AGPAT3: variants seen among roughly 807,000 people sequenced by gnomAD.
AGPAT3 encodes the protein 1-acyl-sn-glycerol-3-phosphate acyltransferase gamma.
Under a neutral mutation model 47.3 loss-of-function variants are expected in AGPAT3, and 5 were observed. That is an observed-to-expected ratio of 0.11 (90% CI 0.06 to 0.22). The LOEUF (loss-of-function observed/expected upper bound fraction) is 0.22, where lower values mean the gene tolerates loss of function less well. Ranked by LOEUF, AGPAT3 falls within the 10% of genes least tolerant of loss-of-function variation. The pLI, the probability that AGPAT3 is intolerant of heterozygous loss-of-function variation, is 1.00. For missense variants in AGPAT3, 315 were observed against 493.0 expected (o/e 0.64, Z 3.42); for synonymous variants, 212 against 208.3 (o/e 1.02, Z -0.15).
In AGPAT3 at chr21:43,939,046, G is replaced by A. The variant is rs975542986; in HGVS notation, c.-48-20588G>A. 2.6e-5 allele frequency among the ~76,000 whole-genome samples: 4 copies of A among 152,198 alleles called. No homozygotes were observed. The highest frequency in any genetic ancestry group is 4.4e-5 in the Non-Finnish European group (3 of 68,016). ...CAGTCCACAGTTTCCCACAGAGCACGCAGGGGCCGCACCAGGGCTGGGACG... is the reference window on the plus strand; with the variant it reads ...CAGTCCACAGTTTCCCACAGAGCACACAGGGGCCGCACCAGGGCTGGGACG... On this transcript the variant is annotated intron_variant, in intron 2 of 9. Coordinates refer to ENST00000291572, the MANE Select transcript of AGPAT3 (RefSeq NM_020132.5). The surrounding 1 kb of genome is among the most constrained non-coding windows in gnomAD (Gnocchi z 4.4).
intron 1 of AGPAT3, among the ~76,000 whole-genome samples, chr21:43,892,410 C>G (rs2086121862): frequency 6.6e-6 from 1 of 152,150 alleles, no homozygotes; most frequent in Non-Finnish European, 1.5e-5. Flanking sequence ...CCTTGTGCAT[C>G]TCCCCCAGAG....
chr21:43,943,594 G>A (rs554881971), intron 2 of AGPAT3, among the ~76,000 whole-genome samples: 2 of 152,280 alleles, frequency 1.3e-5, no homozygotes, highest in African/African-American at 2.4e-5. Flanking sequence ...TTCAGCTTTC[G>A]GCCATTCCTG....
rs377432184 is a variant in AGPAT3 at position 43,884,278 on chromosome 21, CT to C, written c.-112+18935del. On this transcript the variant is annotated intron_variant, in intron 1 of 9. Transcript: ENST00000291572. ...TCCTTCCCCCTCCTTCCCCCTCCTC[CT>C]TCCCCCTCCTCCTTCTCTCCTGCTG... Among the ~76,000 whole-genome samples, 41 of 146,970 alleles carry C rather than the reference CT, an allele frequency of 2.8e-4. No individual in the cohort carries two copies. In the East Asian group the frequency reaches 7.8e-3, roughly 28 times the overall value.
intron 2 of AGPAT3, among the ~76,000 whole-genome samples, chr21:43,941,214 CTG>C (rs1419602952): frequency 1.3e-5 from 2 of 152,036 alleles, no homozygotes; most frequent in East Asian, 1.9e-4. Context: ...CCACGCTAGA[CTG>C]TGTTTGTTTT....
intron 1 of AGPAT3, among the ~76,000 whole-genome samples, chr21:43,899,407 C>T (rs2086299957): frequency 6.6e-6 from 1 of 152,190 alleles, no homozygotes; most frequent in Non-Finnish European, 1.5e-5. Context: ...CTACAAAGGA[C>T]ACCATCAAGA....
At chr21:43,937,542 C>T (rs1487626369) in intron 2 of AGPAT3, among the ~76,000 whole-genome samples, 1 of 152,152 alleles carries the variant, frequency 6.6e-6, no homozygotes, top group Non-Finnish European at 1.5e-5. Context: ...AGTCTGATGT[C>T]AGGAAAAGGG....
rs1417899356 is a variant in AGPAT3 at position 43,920,921 on chromosome 21, C to G, written c.-49+16902C>G. ...CGGGCAGATCACGAGGTCAGGAGAT[C>G]AAGACCACGGTGAAACCCCATATCT... On this transcript the variant is annotated intron_variant, in intron 2 of 9. Transcript: ENST00000291572. The surrounding 1 kb of genome is among the most constrained non-coding windows in gnomAD (Gnocchi z 6.1). Among the ~76,000 whole-genome samples, 1 of 152,144 alleles carries G rather than the reference C, an allele frequency of 6.6e-6. No homozygotes were observed. Among genetic ancestry groups the G allele is most frequent in the Non-Finnish European group, 1.5e-5 (1 of 68,014 alleles).
chr21:43,868,852 AG>A lies in AGPAT3; in HGVS notation c.-112+3508del, dbSNP rs112180433. On this transcript the variant is annotated intron_variant, in intron 1 of 9. Transcript: ENST00000291572. ...TGCCCCATCACACAGAAACTGACAG[AG>A]ACACTGACATGGGAAACTGAGTGGG... 2.7e-3 allele frequency among the ~76,000 whole-genome samples: 408 copies of A among 152,356 alleles called. 2 individuals carry two copies. Among genetic ancestry groups the A allele is most frequent in the African/African-American group, 8.9e-3 (370 of 41,568 alleles).
In AGPAT3 at chr21:43,985,398, A is replaced by T. The variant is rs113749321; in HGVS notation, c.*3006A>T. The T allele has an allele frequency of 4.8e-5, 5 of 103,822 alleles. No individual in the cohort carries two copies. Among genetic ancestry groups the T allele is most frequent in the South Asian group, 4.0e-4 (1 of 2,522 alleles). 6.4% of individuals were successfully genotyped at this position (103,822 alleles called of 1,614,324 possible). ...CAATGTAAGCAGCACTTTCTTGTGT[A>T]AAAAAAAAAAAAAAGCACGTCCTGT... On this transcript the variant is annotated 3_prime_UTR_variant, in exon 10 of 10. Coordinates refer to ENST00000291572, the MANE Select transcript of AGPAT3 (RefSeq NM_020132.5).
At chr21:43,873,887 G>A (rs917757645) in intron 1 of AGPAT3, among the ~76,000 whole-genome samples, 8 of 152,128 alleles carry the variant, frequency 5.3e-5, no homozygotes, top group Admixed American at 2.6e-4. Context: ...CTTTGTTTCC[G>A]TATCACTAAT....
At chr21:43,874,501 TATG>T (rs898525609) in intron 1 of AGPAT3, among the ~76,000 whole-genome samples, 2 of 152,274 alleles carry the variant, frequency 1.3e-5, no homozygotes, top group African/African-American at 4.8e-5. Flanking sequence ...TTGTTTTTAT[TATG>T]ATTTCAGCTG....
chr21:43,871,688 C>A (rs1035585797), intron 1 of AGPAT3, among the ~76,000 whole-genome samples: 2 of 152,160 alleles, frequency 1.3e-5, no homozygotes, highest in African/African-American at 4.8e-5. Flanking sequence ...TGTGTCCTTC[C>A]CTGTGAAGTT....
intron 1 of AGPAT3, among the ~76,000 whole-genome samples, chr21:43,901,291 C>T (rs1372760865): frequency 6.9e-6 from 1 of 145,918 alleles, no homozygotes; most frequent in Non-Finnish European, 1.5e-5. Flanking sequence ...CCACTGTACT[C>T]TAGTCCAGGC....
chr21:43,910,355 C>A (rs542393932), intron 2 of AGPAT3, among the ~76,000 whole-genome samples: 1 of 152,124 alleles, frequency 6.6e-6, no homozygotes, highest in Non-Finnish European at 1.5e-5. Flanking sequence ...TGTGGCCGCG[C>A]GTATTGCCAG....
chr21:43,982,823 T>C lies in AGPAT3; in HGVS notation c.*431T>C. The C allele has an allele frequency of 6.0e-6, 1 of 166,828 alleles. No individual in the cohort carries two copies. 10.3% of individuals were successfully genotyped at this position (166,828 alleles called of 1,614,324 possible). A position where few individuals can be genotyped will look rare whatever the true frequency, so the allele number is the denominator to read the frequency against. On this transcript the variant is annotated 3_prime_UTR_variant, in exon 10 of 10. Transcript: ENST00000291572. This position sits in a 1 kb window ranked among gnomAD's most constrained non-coding sequence, Gnocchi z 6.2. ...GTCTCGTAATGAATTTCTGCTGTCC[T>C]CCTGGGAGTGGACGGCCGGGTCCCG...
intron 1 of AGPAT3, among the ~76,000 whole-genome samples, chr21:43,892,554 A>G (rs1339831356): frequency 6.6e-6 from 1 of 152,216 alleles, no homozygotes; most frequent in Non-Finnish European, 1.5e-5. Flanking sequence ...GCTGTCATCC[A>G]GGCTTTGTTA....
At chr21:43,963,822 G>T (rs2088997251) in intron 3 of AGPAT3, among the ~76,000 whole-genome samples, 2 of 152,066 alleles carry the variant, frequency 1.3e-5, no homozygotes, top group African/African-American at 4.8e-5. Flanking sequence ...CTTACGGCAG[G>T]CAGCAGTGGC....
intron 5 of AGPAT3, 54 bp downstream of exon 5, chr21:43,969,333 C>A (rs749438274): frequency 6.2e-7 from 1 of 1,602,074 alleles, no homozygotes; most frequent in Non-Finnish European, 8.5e-7. Flanking sequence ...GCCACGCCAA[C>A]TCCTGATGCA....
At chr21:43,980,363 C>CGCCCACGG (rs1298718886) in intron 8 of AGPAT3, among the ~76,000 whole-genome samples, 1 of 152,148 alleles carries the variant, frequency 6.6e-6, no homozygotes, top group Non-Finnish European at 1.5e-5. Flanking sequence ...CGGGCTGCCC[C>CGCCCACGG]GCCCACGGGC....
Sources: allele counts gnomAD v4.1 joint callset (sites outside exome capture counted in the v4.1 genomes callset), GRCh38; gene constraint gnomAD v4.1.1; non-coding constraint Gnocchi (gnomAD v3.1); transcripts MANE v1.5; gene names NCBI Gene and HGNC (gene_info 2026-07-23, HGNC 2026-07-21).